Variants in IQCM observed in about 807,000 individuals in gnomAD.
The protein encoded by IQCM is IQ motif containing M.
A neutral mutation model predicts 57.6 loss-of-function variants in IQCM; 45 were observed. That is an observed-to-expected ratio of 0.78 (90% CI 0.62 to 1.00). The LOEUF (loss-of-function observed/expected upper bound fraction) is 1.00, where lower values mean the gene tolerates loss of function less well. IQCM is among the 50% of genes least tolerant of loss of function. The pLI is 0.00. For synonymous variants in IQCM, 148 were observed against 158.9 expected (o/e 0.93, Z 0.51); for missense variants, 468 against 511.6 (o/e 0.91, Z 0.82).
chr4:149,789,783 T>A (rs1163235726), intron 2 of IQCM, among the ~76,000 whole-genome samples: 1 of 151,800 alleles, frequency 6.6e-6, no homozygotes, highest in East Asian at 1.9e-4. Flanking sequence ...ACGCCTGTGG[T>A]CCCAGATACT....
In IQCM at chr4:149,450,019, C is replaced by T. The variant is rs1198251950; in HGVS notation, c.1229-16462G>A. 3.0e-4 allele frequency among the ~76,000 whole-genome samples: 46 copies of T among 151,692 alleles called. 1 individual carries two copies. The highest frequency in any genetic ancestry group is 2.6e-3 in the Admixed American group (40 of 15,164). On this transcript the variant is annotated intron_variant, in intron 12 of 13. Transcript: ENST00000636793. ...CTGGCATAAAGACAGACACATAGAC[C>T]AATGGAACAGAAATGAGAACTCAGA... is the stretch of plus-strand genomic sequence containing the variant.
At chr4:149,554,856 C>A (rs1037451358) in intron 10 of IQCM, among the ~76,000 whole-genome samples, 4 of 151,632 alleles carry the variant, frequency 2.6e-5, no homozygotes, top group African/African-American at 4.8e-5. Context: ...CCCCCCACCA[C>A]GCCCGGCTAA....
rs1012216156 is a variant in IQCM, at chr4:149,779,452, T to C, written c.-49+35859A>G. On this transcript the variant is annotated intron_variant, in intron 2 of 13. Coordinates refer to ENST00000636793, the MANE Select transcript of IQCM (RefSeq NM_001363507.2). The stretch of plus-strand genomic sequence containing the variant: ...AAAACAGAGTAGAGCACCCAGAAAT[T>C]GTCAAAACACCAATATGCTGGGTTT... 3.9e-5 allele frequency among the ~76,000 whole-genome samples: 6 copies of C among 152,278 alleles called. No homozygotes were observed. In the South Asian group the frequency reaches 1.2e-3, roughly 32 times the overall value.
chr4:149,592,798 T>A, intron 8 of IQCM, among the ~76,000 whole-genome samples: 1 of 152,158 alleles, frequency 6.6e-6, no homozygotes, highest in Non-Finnish European at 1.5e-5. Flanking sequence ...AGGGCCCTGT[T>A]CTGTTCCATT....
intron 12 of IQCM, among the ~76,000 whole-genome samples, chr4:149,489,965 C>T (rs1741919219): frequency 1.3e-5 from 2 of 151,714 alleles, no homozygotes; most frequent in Admixed American, 1.3e-4. Flanking sequence ...ATACAAACAT[C>T]AATATTTGTG....
intron 13 of IQCM, among the ~76,000 whole-genome samples, chr4:149,431,618 C>T (rs1418658199): frequency 6.6e-6 from 1 of 151,964 alleles, no homozygotes; most frequent in Non-Finnish European, 1.5e-5. Flanking sequence ...TAAGAACTCC[C>T]TCATGCTGCC....
chr4:149,374,965 C>G (rs1023503766), intron 13 of IQCM, among the ~76,000 whole-genome samples: 6 of 119,574 alleles, frequency 5.0e-5, no homozygotes, highest in Admixed American at 2.7e-4. Flanking sequence ...GCCACACTTT[C>G]TTTGTGTGTG....
At chr4:149,651,834 T>C (rs544716968) in intron 7 of IQCM, among the ~76,000 whole-genome samples, 9 of 152,080 alleles carry the variant, frequency 5.9e-5, no homozygotes, top group Non-Finnish European at 1.0e-4. Context: ...GAAATAGAAA[T>C]GCTTTTACAC....
At chr4:149,393,077 A>C (rs915298246) in intron 13 of IQCM, among the ~76,000 whole-genome samples, 1 of 151,964 alleles carries the variant, frequency 6.6e-6, no homozygotes, top group African/African-American at 2.4e-5. Flanking sequence ...CAGCAGGCTG[A>C]GATGTAATGC....
At chr4:149,735,323 T>G (rs528019541) in intron 4 of IQCM, 53 bp downstream of exon 4, 2 of 846,294 alleles carry the variant, frequency 2.4e-6, no homozygotes, top group African/African-American at 3.5e-5. Context: ...GGAGAATCCT[T>G]GTAGTATGCA....
At chr4:149,746,867 C>T (rs142840317) in intron 2 of IQCM, among the ~76,000 whole-genome samples, 9 of 152,116 alleles carry the variant, frequency 5.9e-5, no homozygotes, top group Admixed American at 1.3e-4. Context: ...CTTCACTCTG[C>T]GCTCTGTAAC....
At chr4:149,578,029 A>G (rs1751826843) in intron 9 of IQCM, among the ~76,000 whole-genome samples, 1 of 151,676 alleles carries the variant, frequency 6.6e-6, no homozygotes, top group South Asian at 2.1e-4. Flanking sequence ...CAGCTTGGAC[A>G]TTGGTGAATA....
At chr4:149,601,744 C>T (rs1201025920) in intron 8 of IQCM, among the ~76,000 whole-genome samples, 2 of 152,078 alleles carry the variant, frequency 1.3e-5, no homozygotes, top group African/African-American at 4.8e-5. Context: ...TCTGCAGATT[C>T]AACCAACATT....
rs531120102 is a variant in IQCM at position 149,568,709 on chromosome 4, G to C, written c.750-4819C>G. The stretch of plus-strand genomic sequence containing the variant: ...TGGGAGGATTGCCCAAACCCAGGAA[G>C]TCAAGGCTGCAGTAAGCCATGAGTG... On this transcript the variant is annotated intron_variant, in intron 9 of 13. Coordinates refer to ENST00000636793, the MANE Select transcript of IQCM (RefSeq NM_001363507.2). Among the ~76,000 whole-genome samples the C allele has an allele frequency of 6.6e-5, 10 of 152,278 alleles. No individual in the cohort carries two copies. The South Asian group carries it at 1.9e-3, about 28-fold the overall frequency.
chr4:149,593,254 G>A (rs1450533913), intron 8 of IQCM, among the ~76,000 whole-genome samples: 4 of 152,198 alleles, frequency 2.6e-5, no homozygotes, highest in East Asian at 1.9e-4. Flanking sequence ...TTGGCTCTCT[G>A]TTTGTCTGTT....
intron 12 of IQCM, among the ~76,000 whole-genome samples, chr4:149,492,223 C>T (rs1474302587): frequency 6.6e-6 from 1 of 151,942 alleles, no homozygotes; most frequent in Admixed American, 6.6e-5. Context: ...ACAGTGACTG[C>T]AGCTCTTAAA....
chr4:149,455,810 TC>T (rs1737634336), intron 12 of IQCM, among the ~76,000 whole-genome samples: 1 of 151,520 alleles, frequency 6.6e-6, no homozygotes, highest in Non-Finnish European at 1.5e-5. Flanking sequence ...CTACAAATTT[TC>T]TTTTTTTTTT....
In IQCM at chr4:149,530,289, T is replaced by A. The variant is rs534304982; in HGVS notation, c.1228+18166A>T. ...AATTTATATGTATACATATATATAA[T>A]TCCCTCTCCAGTACAATGTAAGCTT... On this transcript the variant is annotated intron_variant, in intron 12 of 13. Transcript: ENST00000636793. Among the ~76,000 whole-genome samples the A allele has an allele frequency of 4.8e-4, 73 of 152,204 alleles. 1 individual carries two copies. In the South Asian group the frequency reaches 0.015, roughly 32 times the overall value.
At chr4:149,544,579 A>G (rs1355439323) in intron 12 of IQCM, among the ~76,000 whole-genome samples, 3 of 152,218 alleles carry the variant, frequency 2.0e-5, no homozygotes, top group Non-Finnish European at 4.4e-5. Context: ...AAGTTCCTGA[A>G]AAGCTAAATA....
Sources: allele counts gnomAD v4.1 joint callset (sites outside exome capture counted in the v4.1 genomes callset), GRCh38; gene constraint gnomAD v4.1.1; transcripts MANE v1.5; gene names NCBI Gene and HGNC (gene_info 2026-07-23, HGNC 2026-07-21).